Variants in CHKA observed in about 807,000 individuals in gnomAD.
The protein encoded by CHKA is CHETK-alpha.
A neutral mutation model predicts 60.1 loss-of-function variants in CHKA; 34 were observed. That is an observed-to-expected ratio of 0.57 (90% CI 0.43 to 0.75). The LOEUF (loss-of-function observed/expected upper bound fraction) is 0.75. Among genes scored for constraint, CHKA ranks in the 30% least tolerant of loss-of-function variants. The pLI, the probability that CHKA is intolerant of heterozygous loss-of-function variation, is 0.00. For synonymous variants in CHKA, 217 were observed against 223.1 expected (o/e 0.97, Z 0.24); for missense variants, 563 against 561.3 (o/e 1.00, Z -0.03).
At chr11:68,109,557 C>T (rs1391261881) in intron 1 of CHKA, among the ~76,000 whole-genome samples, 1 of 152,028 alleles carries the variant, frequency 6.6e-6, no homozygotes, top group Non-Finnish European at 1.5e-5. Context: ...CCCACCTAAG[C>T]GGGGAGGAGA....
chr11:68,081,591 G>GT (rs1856990204), intron 2 of CHKA, 134 bp from the exon 3 acceptor site: 2 of 653,202 alleles, frequency 3.1e-6, no homozygotes, highest in African/African-American at 1.8e-5. Flanking sequence ...GCCCACCGAT[G>GT]TGACGGGCAG....
Position 68,089,381 on chromosome 11 carries a change from A to C in CHKA, c.462+7638T>G, listed in dbSNP as rs551799304. Among the ~76,000 whole-genome samples, 7 of 152,342 alleles carry C rather than the reference A, an allele frequency of 4.6e-5. No individual in the cohort carries two copies. In the South Asian group the frequency reaches 1.4e-3, roughly 32 times the overall value. On this transcript the variant is annotated intron_variant, in intron 2 of 11. Coordinates refer to ENST00000265689, the MANE Select transcript of CHKA (RefSeq NM_001277.3). ...GAGCTCCCTAAGGTCTCAGGTACCCAGCTAAGACATATGAAAGTATACTGA... is the reference window on the plus strand; with the variant it reads ...GAGCTCCCTAAGGTCTCAGGTACCCCGCTAAGACATATGAAAGTATACTGA...
At chr11:68,110,731 C>T (rs560396590) in intron 1 of CHKA, among the ~76,000 whole-genome samples, 17 of 152,282 alleles carry the variant, frequency 1.1e-4, no homozygotes, top group Admixed American at 5.9e-4. Flanking sequence ...GGCACAGTGG[C>T]TCATGCTTGT....
intron 1 of CHKA, among the ~76,000 whole-genome samples, chr11:68,114,696 C>T (rs1195723047): frequency 7.2e-6 from 1 of 138,946 alleles, no homozygotes; most frequent in Non-Finnish European, 1.5e-5. Context: ...GACTCTGTCT[C>T]GGGAAAAAAA....
At chr11:68,067,482 C>G (rs1382528984) in intron 7 of CHKA, among the ~76,000 whole-genome samples, 2 of 152,052 alleles carry the variant, frequency 1.3e-5, no homozygotes, top group Non-Finnish European at 2.9e-5. Flanking sequence ...GTGATCCCAA[C>G]TACTCAGGAG....
rs1203058703 is a variant in CHKA at position 68,113,124 on chromosome 11, G to GA, written c.350+7703dup. 3.3e-3 allele frequency among the ~76,000 whole-genome samples: 377 copies of GA among 112,926 alleles called. 2 individuals carry two copies. The highest frequency in any genetic ancestry group is 0.011 in the African/African-American group (324 of 30,672). 74.1% of individuals were successfully genotyped at this position (112,926 alleles called of 152,430 possible). A position where few individuals can be genotyped will look rare whatever the true frequency, so the allele number is the denominator to read the frequency against. ...AAAAAAAAAAAAGAAGCTGTGGCAG[G>GA]AAAAAAAAAAACAATTAAATTAAAA... On this transcript the variant is annotated intron_variant, in intron 1 of 11. Transcript: ENST00000265689.
chr11:68,055,853 T>C (rs1356410086), intron 11 of CHKA, among the ~76,000 whole-genome samples: 1 of 151,098 alleles, frequency 6.6e-6, no homozygotes, highest in African/African-American at 2.4e-5. Context: ...GAGACCAGCC[T>C]GACCAACACA....
At chr11:68,069,577 G>A (rs955502811) in intron 6 of CHKA, among the ~76,000 whole-genome samples, 5 of 152,016 alleles carry the variant, frequency 3.3e-5, no homozygotes, top group East Asian at 1.9e-4. Context: ...CCAGCTACTC[G>A]GGAGGCTGAG....
At chr11:68,054,317 A>G (rs1855920616) in intron 11 of CHKA, among the ~76,000 whole-genome samples, 1 of 152,164 alleles carries the variant, frequency 6.6e-6, no homozygotes, top group South Asian at 2.1e-4. Context: ...TCTCAGGATG[A>G]ACGTCTCATC....
At chr11:68,101,583 A>G (rs866351651) in intron 1 of CHKA, among the ~76,000 whole-genome samples, 11 of 152,030 alleles carry the variant, frequency 7.2e-5, no homozygotes, top group African/African-American at 2.7e-4. Context: ...TGATCACGCC[A>G]CTGCATGCCA....
At chr11:68,062,882 C>A (rs965011889) in intron 10 of CHKA, among the ~76,000 whole-genome samples, 10 of 152,124 alleles carry the variant, frequency 6.6e-5, no homozygotes, top group Non-Finnish European at 8.8e-5. Context: ...GGTGAGCACT[C>A]TGGAGGCCAC....
intron 1 of CHKA, among the ~76,000 whole-genome samples, chr11:68,109,209 C>G (rs1858040150): frequency 6.6e-6 from 1 of 151,420 alleles, no homozygotes; most frequent in South Asian, 2.1e-4. Context: ...CCTGCCTCAG[C>G]CTCCCGAGTA....
chr11:68,064,418 A>AG, intron 10 of CHKA, 107 bp downstream of exon 10: 2 of 567,924 alleles, frequency 3.5e-6, no homozygotes, highest in Non-Finnish European at 3.0e-6. Context: ...AAAAAAAAAA[A>AG]AAGAAGAAGA....
In CHKA at chr11:68,120,670, G is replaced by A. The variant is rs1161061840; in HGVS notation, c.350+158C>T. 33 of 254,650 alleles carry A rather than the reference G, an allele frequency of 1.3e-4. 2 individuals are homozygous for A. The East Asian group carries it at 2.7e-3, about 20-fold the overall frequency. The allele number at this position is 254,650 out of a possible 1,614,324, so 15.8% of individuals were successfully genotyped here. On this transcript the variant is annotated intron_variant, in intron 1 of 11. Coordinates refer to ENST00000265689, the MANE Select transcript of CHKA (RefSeq NM_001277.3). Reference sequence around the variant, plus strand: ...ATTACCCAGGGCTGGGAGAAGGAGGGCTTTCGCCGGCTGCGGTCCCCGGTC... The same window carrying A: ...ATTACCCAGGGCTGGGAGAAGGAGGACTTTCGCCGGCTGCGGTCCCCGGTC...
intron 4 of CHKA, among the ~76,000 whole-genome samples, chr11:68,073,630 G>C (rs1455322806): frequency 1.3e-5 from 2 of 152,158 alleles, no homozygotes; most frequent in African/African-American, 4.8e-5. Flanking sequence ...CTGTCAACTA[G>C]AAGAGGATAC....
At chr11:68,094,442 G>A (rs970579208) in intron 2 of CHKA, among the ~76,000 whole-genome samples, 4 of 152,188 alleles carry the variant, frequency 2.6e-5, no homozygotes, top group South Asian at 4.1e-4. Flanking sequence ...TCAGGAGGCT[G>A]AGGTGGGAGG....
intron 11 of CHKA, among the ~76,000 whole-genome samples, chr11:68,056,303 A>ATC (rs1273270021): frequency 6.6e-6 from 1 of 151,996 alleles, no homozygotes; most frequent in Non-Finnish European, 1.5e-5. Context: ...AGTAAACAGA[A>ATC]TCTCTCTCTC....
At chr11:68,094,804 C>T (rs970652864) in intron 2 of CHKA, among the ~76,000 whole-genome samples, 13 of 152,188 alleles carry the variant, frequency 8.5e-5, no homozygotes, top group South Asian at 2.1e-4. Context: ...GGAATAGCTA[C>T]GTACCTTCAA....
At chr11:68,079,916 T>C (rs1311335186) in intron 3 of CHKA, among the ~76,000 whole-genome samples, 2 of 152,066 alleles carry the variant, frequency 1.3e-5, no homozygotes, top group Non-Finnish European at 2.9e-5. Flanking sequence ...GGTCAAATCA[T>C]GGGGCGCCCT....
Sources: gnomAD v4.1 joint callset for allele counts (sites outside exome capture counted in the v4.1 genomes callset) on GRCh38, gnomAD v4.1.1 for gene constraint, MANE v1.5 for transcripts, NCBI Gene and HGNC (gene_info 2026-07-23, HGNC 2026-07-21) for gene names.